YIPF7: variants seen among roughly 807,000 people sequenced by gnomAD.
YIPF7 encodes protein YIPF7.
Under a neutral mutation model 27.2 loss-of-function variants are expected in YIPF7, and 35 were observed. That is an observed-to-expected ratio of 1.29 (90% CI 0.98 to 1.70). YIPF7 has a LOEUF of 1.70. YIPF7 is among the 40% of genes most tolerant of loss of function. The pLI is 0.00. For synonymous variants in YIPF7, 137 were observed against 110.4 expected (o/e 1.24, Z -1.51); for missense variants, 358 against 303.7 (o/e 1.18, Z -1.33).
Position 44,640,274 on chromosome 4 carries a change from T to A in YIPF7, c.117-4189A>T, listed in dbSNP as rs536470874. 2.0e-5 allele frequency among the ~76,000 whole-genome samples: 3 copies of A among 152,338 alleles called. No individual in the cohort carries two copies. The South Asian group carries it at 6.2e-4, about 32-fold the overall frequency. ...TCAAGAGGATTAGTATTATTTCTTT[T>A]TTGTACATTTGGTAGAATTCGACTG... is the stretch of plus-strand genomic sequence containing the variant. On this transcript the variant is annotated intron_variant, in intron 2 of 5. Transcript: ENST00000415895.
chr4:44,641,656 A>G (rs1713329990), intron 2 of YIPF7, among the ~76,000 whole-genome samples: 1 of 152,210 alleles, frequency 6.6e-6, no homozygotes, highest in African/African-American at 2.4e-5. Context: ...AAATCTAAGA[A>G]TAACATATTC....
chr4:44,637,661 T>C (rs1182542648), intron 2 of YIPF7, among the ~76,000 whole-genome samples: 1 of 152,200 alleles, frequency 6.6e-6, no homozygotes, highest in Non-Finnish European at 1.5e-5. Flanking sequence ...AGTTCTTTAC[T>C]GGTGATTTAT....
At chr4:44,638,088 A>T (rs1258823658) in intron 2 of YIPF7, among the ~76,000 whole-genome samples, 2 of 152,188 alleles carry the variant, frequency 1.3e-5, no homozygotes, top group Non-Finnish European at 2.9e-5. Context: ...AACGTGAAAA[A>T]ATGCTCAACG....
intron 2 of YIPF7, among the ~76,000 whole-genome samples, chr4:44,639,190 T>A (rs112789911): frequency 1.4e-3 from 210 of 152,278 alleles, no homozygotes; most frequent in Non-Finnish European, 2.3e-3. Flanking sequence ...TCTCCTTCTG[T>A]ATGAATTTTA....
At chr4:44,648,103 A>G (rs552952494) in intron 2 of YIPF7, among the ~76,000 whole-genome samples, 1 of 152,148 alleles carries the variant, frequency 6.6e-6, no homozygotes, top group African/African-American at 2.4e-5. Flanking sequence ...TCCTAACCCC[A>G]TTTCTTACTA....
intron 4 of YIPF7, among the ~76,000 whole-genome samples, chr4:44,625,436 C>T (rs2109575650): frequency 6.6e-6 from 1 of 152,296 alleles, no homozygotes; most frequent in South Asian, 2.1e-4. Context: ...GGAACTCTTA[C>T]AAGTCCTATC....
intron 2 of YIPF7, among the ~76,000 whole-genome samples, chr4:44,645,518 T>C (rs1396910341): frequency 2.6e-5 from 4 of 152,324 alleles, no homozygotes; most frequent in Admixed American, 6.5e-5. Context: ...GTTATATATT[T>C]GTACCTCACA....
rs571406513 is a variant in YIPF7 at position 44,628,162 on chromosome 4, T to C, written c.426+1241A>G. ...GTGACAAAGACAGAAGAAGGGAGGTTAGAGACTAAATTAAAACTCTAGTTG... is the reference window on the plus strand; with the variant it reads ...GTGACAAAGACAGAAGAAGGGAGGTCAGAGACTAAATTAAAACTCTAGTTG... On this transcript the variant is annotated intron_variant, in intron 4 of 5. Transcript: ENST00000415895. Among the ~76,000 whole-genome samples, 13 of 152,254 alleles carry C rather than the reference T, an allele frequency of 8.5e-5. No individual in the cohort carries two copies. The South Asian group carries it at 2.7e-3, about 32-fold the overall frequency.
intron 3 of YIPF7, among the ~76,000 whole-genome samples, chr4:44,633,488 TA>T (rs1712996118): frequency 3.9e-5 from 6 of 152,064 alleles, no homozygotes; most frequent in Admixed American, 3.3e-4. Context: ...CTTAAACAAC[TA>T]TTGAATAAAA....
intron 3 of YIPF7, among the ~76,000 whole-genome samples, chr4:44,633,523 A>G (rs960325101): frequency 6.6e-6 from 1 of 152,182 alleles, no homozygotes; most frequent in Non-Finnish European, 1.5e-5. Context: ...AACAAAAAAC[A>G]TAAAAGGATA....
At chr4:44,659,097 G>C (rs1422739996) in intron 2 of YIPF7, among the ~76,000 whole-genome samples, 1 of 152,144 alleles carries the variant, frequency 6.6e-6, no homozygotes, top group African/African-American at 2.4e-5. Flanking sequence ...GAGTTGGCTG[G>C]ATCATGAGGA....
At chr4:44,661,722 T>G (rs1408795784) in intron 1 of YIPF7, among the ~76,000 whole-genome samples, 1 of 152,202 alleles carries the variant, frequency 6.6e-6, no homozygotes, top group Non-Finnish European at 1.5e-5. Context: ...GTGAGAATTA[T>G]TGGGCTTAAA....
At chr4:44,643,951 G>A (rs1261782779) in intron 2 of YIPF7, among the ~76,000 whole-genome samples, 1 of 152,106 alleles carries the variant, frequency 6.6e-6, no homozygotes, top group East Asian at 1.9e-4. Flanking sequence ...CTAGGGAAGT[G>A]TGGAATGAAA....
chr4:44,634,781 T>G (rs968988147), intron 3 of YIPF7, among the ~76,000 whole-genome samples: 1 of 152,202 alleles, frequency 6.6e-6, no homozygotes, highest in East Asian at 1.9e-4. Context: ...TTTATTCTTA[T>G]GTTTCTATGT....
At chr4:44,654,255 G>C (rs944280468), upstream of YIPF7, among the ~76,000 whole-genome samples, 50 of 152,050 alleles carry the variant, frequency 3.3e-4, no homozygotes, top group African/African-American at 1.2e-3. Context: ...GAAGAACAGA[G>C]TGTAGATTGA....
intron 2 of YIPF7, among the ~76,000 whole-genome samples, chr4:44,637,610 A>G (rs1377779068): frequency 6.6e-6 from 1 of 151,924 alleles, no homozygotes; most frequent in East Asian, 1.9e-4. Context: ...TTGTATTTCC[A>G]TAGGTTTTGG....
chr4:44,622,722 C>A, intron 5 of YIPF7, 146 bp from the exon 6 acceptor site: 2 of 1,055,280 alleles, frequency 1.9e-6, no homozygotes, highest in South Asian at 3.7e-5. Context: ...TGAACAAAAG[C>A]CCTTGGCCAG....
At chr4:44,651,520 A>C (rs1413237946) in intron 1 of YIPF7, 34 bp downstream of exon 1, 1 of 1,480,024 alleles carries the variant, frequency 6.8e-7, no homozygotes, top group African/African-American at 1.4e-5. Context: ...ATTTTGTTTA[A>C]ATGCCAAGTC....
intron 2 of YIPF7, among the ~76,000 whole-genome samples, chr4:44,660,175 C>CTAGT (rs1714010124): frequency 1.4e-5 from 2 of 142,460 alleles, no homozygotes. Flanking sequence ...TATTAGAGGA[C>CTAGT]TAGTTAATTA....
Sources: gnomAD v4.1 joint callset for allele counts (sites outside exome capture counted in the v4.1 genomes callset) on GRCh38, gnomAD v4.1.1 for gene constraint, MANE v1.5 for transcripts, NCBI Gene and HGNC (gene_info 2026-07-23, HGNC 2026-07-21) for gene names.